ACYP2: variants seen among roughly 807,000 people sequenced by gnomAD.
ACYP2 encodes acylphosphatase-2.
Under a neutral mutation model 11.2 loss-of-function variants are expected in ACYP2, and 12 were observed. The observed-to-expected ratio is 1.08, with a 90% CI of 0.69 to 1.74. The LOEUF is 1.74. Ranked by LOEUF, ACYP2 falls within the 40% of genes most tolerant of loss-of-function variation. ACYP2 has a pLI of 0.00. For synonymous variants in ACYP2, 43 were observed against 32.2 expected, an observed-to-expected ratio of 1.33 and a Z score of -1.13; for missense variants, 134 against 101.9, an observed-to-expected ratio of 1.31 and a Z score of -1.35.
At chr2:54,220,943 T>C (rs1450408025) in intron 6 of ACYP2, among the ~76,000 whole-genome samples, 1 of 152,270 alleles carries the variant, frequency 6.6e-6, no homozygotes, top group East Asian at 1.9e-4. Flanking sequence ...GGGTACTTTT[T>C]GATTACTGTT....
At chr2:53,985,505 T>A (rs1024932168) in intron 2 of ACYP2, among the ~76,000 whole-genome samples, 1 of 152,142 alleles carries the variant, frequency 6.6e-6, no homozygotes, top group Non-Finnish European at 1.5e-5. Flanking sequence ...TACATATATG[T>A]TCTCCAAAAG....
At chr2:54,017,562 T>G (rs935385645) in intron 2 of ACYP2, among the ~76,000 whole-genome samples, 6 of 152,060 alleles carry the variant, frequency 3.9e-5, no homozygotes, top group African/African-American at 1.4e-4. Context: ...GCCAGGCCAT[T>G]AAGTTTCAAC....
chr2:54,111,830 T>C (rs1679477269), intron 4 of ACYP2, among the ~76,000 whole-genome samples: 1 of 152,206 alleles, frequency 6.6e-6, no homozygotes, highest in Admixed American at 6.5e-5. Flanking sequence ...TGCTTGTCCT[T>C]AAAATCAATC....
At chr2:54,030,343 GTC>G (rs1333398979) in intron 2 of ACYP2, among the ~76,000 whole-genome samples, 2 of 152,182 alleles carry the variant, frequency 1.3e-5, no homozygotes, top group African/African-American at 4.8e-5. Flanking sequence ...ATGTATGACT[GTC>G]TCTATTATTT....
At chr2:54,075,479 C>G (rs567294022) in intron 4 of ACYP2, among the ~76,000 whole-genome samples, 249 of 141,854 alleles carry the variant, frequency 1.8e-3, no homozygotes, top group Non-Finnish European at 2.8e-3. Context: ...TCCTGGGTGA[C>G]AGAGTGAGAT....
At chr2:54,149,795 A>T (rs960746661) in intron 6 of ACYP2, among the ~76,000 whole-genome samples, 1 of 152,232 alleles carries the variant, frequency 6.6e-6, no homozygotes, top group African/African-American at 2.4e-5. Flanking sequence ...ATATAAGAGG[A>T]TGATGAAATG....
intron 6 of ACYP2, among the ~76,000 whole-genome samples, chr2:54,290,876 T>G (rs1188559556): frequency 6.6e-6 from 1 of 152,214 alleles, no homozygotes; most frequent in Non-Finnish European, 1.5e-5. Context: ...ATTGCTCTTC[T>G]GAGACAAAGG....
intron 4 of ACYP2, among the ~76,000 whole-genome samples, chr2:54,078,325 GTCCCAATAAGAAGTGATATCT>G (rs1218966067): frequency 1.3e-5 from 2 of 150,292 alleles, no homozygotes; most frequent in Non-Finnish European, 3.0e-5. Flanking sequence ...GCCATCTACT[GTCCCAATAAGAAGTGATATCT>G]TCCTAAAAAA....
intron 6 of ACYP2, among the ~76,000 whole-genome samples, chr2:54,248,934 A>G (rs1176701257): frequency 6.6e-6 from 1 of 152,208 alleles, no homozygotes; most frequent in Non-Finnish European, 1.5e-5. Flanking sequence ...TGAGGTGGGC[A>G]AATGAATCCA....
At chr2:54,010,608 T>A (rs1673307794) in intron 2 of ACYP2, among the ~76,000 whole-genome samples, 1 of 152,144 alleles carries the variant, frequency 6.6e-6, no homozygotes, top group Non-Finnish European at 1.5e-5. Context: ...AAAAATTTTT[T>A]TTAATTAAAA....
chr2:54,252,031 T>C (rs1402542338), intron 6 of ACYP2, among the ~76,000 whole-genome samples: 2 of 152,202 alleles, frequency 1.3e-5, no homozygotes, highest in African/African-American at 2.4e-5. Context: ...TGACCTAGCA[T>C]GTAAGGCTAA....
At chr2:54,206,491 G>A (rs1428968576) in intron 6 of ACYP2, among the ~76,000 whole-genome samples, 1 of 152,176 alleles carries the variant, frequency 6.6e-6, no homozygotes, top group Non-Finnish European at 1.5e-5. Context: ...CTGTCACTTT[G>A]CTAAAGGTCT....
chr2:54,150,739 C>CTT (rs11295809), intron 6 of ACYP2, among the ~76,000 whole-genome samples: 346 of 137,370 alleles, frequency 2.5e-3, no homozygotes, highest in African/African-American at 9.1e-3. Context: ...GCGTTTCTTT[C>CTT]TTTTTTTTTT....
At chr2:54,280,462 A>G (rs1303119557) in intron 6 of ACYP2, among the ~76,000 whole-genome samples, 3 of 152,184 alleles carry the variant, frequency 2.0e-5, no homozygotes, top group Non-Finnish European at 4.4e-5. Context: ...CATGATAAAC[A>G]TGGGTTCAGA....
intron 2 of ACYP2, among the ~76,000 whole-genome samples, chr2:54,001,980 T>A (rs1672825515): frequency 6.6e-6 from 1 of 152,200 alleles, no homozygotes; most frequent in Non-Finnish European, 1.5e-5. Context: ...ATACATTTGT[T>A]ACTATTAATG....
intron 4 of ACYP2, among the ~76,000 whole-genome samples, chr2:54,122,568 C>T (rs1289286476): frequency 6.6e-6 from 1 of 152,140 alleles, no homozygotes; most frequent in African/African-American, 2.4e-5. Context: ...AAGCCCTGTC[C>T]CAAGAGGGCT....
chr2:54,246,873 T>C (rs748138524), intron 6 of ACYP2, among the ~76,000 whole-genome samples: 1 of 152,180 alleles, frequency 6.6e-6, no homozygotes, highest in African/African-American at 2.4e-5. Flanking sequence ...TATCCACTTA[T>C]TTCTACCATT....
At chr2:54,227,622 C>CA (rs201968288) in intron 6 of ACYP2, among the ~76,000 whole-genome samples, 31,990 of 144,006 alleles carry the variant, frequency 0.22, 3,787 homozygotes, top group East Asian at 0.39. Flanking sequence ...GACTCCATTT[C>CA]AAAAAAAAAA....
rs181265793 is a variant in ACYP2 at position 54,288,437 on chromosome 2, A to C, written c.405-16251A>C. On this transcript the variant is annotated intron_variant, in intron 6 of 6. Transcript: ENST00000607452. ...TCTTCAGTGCTTCCTGGGGAAAAGG[A>C]TACTATCATTATGTATATTCTCTAG... Among the ~76,000 whole-genome samples the C allele has an allele frequency of 2.0e-3, 307 of 152,164 alleles. 10 individuals carry two copies. The highest frequency in any genetic ancestry group is 7.1e-3 in the African/African-American group (293 of 41,396).
Sources: allele counts gnomAD v4.1 joint callset (sites outside exome capture counted in the v4.1 genomes callset), GRCh38; gene constraint gnomAD v4.1.1; transcripts MANE v1.5; gene names NCBI Gene and HGNC (gene_info 2026-07-23, HGNC 2026-07-21).